NCAPD3: variants seen among roughly 807,000 people sequenced by gnomAD.
NCAPD3 encodes the protein non-SMC condensin II complex subunit D3, also known as condensin-2 complex subunit D3.
A neutral mutation model predicts 182.9 loss-of-function variants in NCAPD3; 105 were observed. The ratio of observed to expected loss-of-function variants is 0.57; its 90% CI spans 0.49 to 0.68. NCAPD3 has a LOEUF of 0.68. NCAPD3 is among the 30% of genes least tolerant of loss of function. The pLI, the probability that NCAPD3 is intolerant of heterozygous loss-of-function variation, is 0.00. For synonymous variants in NCAPD3, 815 were observed against 679.9 expected (o/e 1.20, Z -3.09); for missense variants, 1,944 against 1,837.0 (o/e 1.06, Z -1.07).
chr11:134,170,454 A>G (rs1367311386), intron 24 of NCAPD3, among the ~76,000 whole-genome samples: 1 of 152,234 alleles, frequency 6.6e-6, no homozygotes, highest in Non-Finnish European at 1.5e-5. Context: ...AAAAACCACT[A>G]AACAAACAAG....
intron 4 of NCAPD3, 78 bp from the exon 5 acceptor site, chr11:134,209,555 C>T: frequency 7.2e-7 from 1 of 1,391,306 alleles, no homozygotes; most frequent in Non-Finnish European, 9.8e-7. Flanking sequence ...TTACCCAAAC[C>T]AAGCCCAGAT....
chr11:134,177,638 A>T lies in NCAPD3; in HGVS notation c.2783-181T>A, dbSNP rs565268370. ...ACCCATCTTGAATAGTCGAATAAAA[A>T]TACCTAAGGAGAAATAAACTCCCCA... On this transcript the variant is annotated intron_variant, in intron 22 of 34. Coordinates refer to ENST00000534548, the MANE Select transcript of NCAPD3 (RefSeq NM_015261.3). 54 of 598,662 alleles carry T rather than the reference A, an allele frequency of 9.0e-5. 1 individual carries two copies. The South Asian group carries it at 1.1e-3, about 13-fold the overall frequency. The allele number at this position is 598,662 out of a possible 1,614,324, so 37.1% of individuals were successfully genotyped here.
chr11:134,208,793 C>T (rs934198511), intron 7 of NCAPD3, 71 bp downstream of exon 7: 3 of 996,490 alleles, frequency 3.0e-6, no homozygotes, highest in Non-Finnish European at 3.1e-6. Flanking sequence ...ATGCTTTTAA[C>T]ATATTTCCAT....
intron 27 of NCAPD3, among the ~76,000 whole-genome samples, chr11:134,164,367 G>A (rs1351992763): frequency 6.6e-6 from 1 of 152,250 alleles, no homozygotes; most frequent in Non-Finnish European, 1.5e-5. Flanking sequence ...GCACGTCCTG[G>A]CAGCAGGGGG....
rs1048164369 is a variant in NCAPD3, at chr11:134,181,282, G to C, written c.2452-98C>G. ...CAGAAGAAACTATGATCTTCAAATG[G>C]ATAGGCTGTAGGGGTGCTTCCTAGC... On this transcript the variant is annotated intron_variant, in intron 19 of 34. Transcript: ENST00000534548. The C allele has an allele frequency of 6.3e-6, 5 of 793,872 alleles. No homozygotes were observed. In the African/African-American group the frequency reaches 6.9e-5, roughly 11 times the overall value. 49.2% of individuals were successfully genotyped at this position (793,872 alleles called of 1,614,324 possible).
rs1288443287 is a variant in NCAPD3 at position 134,158,068 on chromosome 11, C to T, written c.4035-1G>A. ...TGCAATGGTGCTCAGGGACATGGGC[C>T]TGTGGAGAACAGCCACAGCCGCTGA... On this transcript the variant is annotated splice_acceptor_variant, in intron 30 of 34. Coordinates refer to ENST00000534548, the MANE Select transcript of NCAPD3 (RefSeq NM_015261.3). LOFTEE classifies it high-confidence loss of function. 4.3e-6 allele frequency: 7 copies of T among 1,612,988 alleles called. No individual in the cohort carries two copies.
intron 8 of NCAPD3, among the ~76,000 whole-genome samples, chr11:134,206,156 A>G (rs1373733655): frequency 1.3e-5 from 2 of 152,370 alleles, no homozygotes; most frequent in Non-Finnish European, 2.9e-5. Context: ...CTTTCCTTCA[A>G]GTCATTTCTA....
intron 23 of NCAPD3, 133 bp downstream of exon 23, chr11:134,177,086 C>A (rs1944186666): frequency 2.8e-6 from 2 of 704,650 alleles, no homozygotes; most frequent in African/African-American, 1.8e-5. Context: ...AAGAGTAAAA[C>A]TCCAGACCAG....
intron 2 of NCAPD3, among the ~76,000 whole-genome samples, chr11:134,220,367 A>T (rs933555267): frequency 1.2e-4 from 18 of 145,092 alleles, no homozygotes; most frequent in African/African-American, 4.5e-4. Flanking sequence ...GTCGTGTCTT[A>T]AAAAAAAAAA....
chr11:134,190,895 C>T (rs1944510583), intron 16 of NCAPD3, among the ~76,000 whole-genome samples: 1 of 152,196 alleles, frequency 6.6e-6, no homozygotes, highest in South Asian at 2.1e-4. Context: ...AAGATTCTAA[C>T]TTGATGTGAA....
In NCAPD3 at chr11:134,200,652, T is replaced by C. The variant is rs989976562; in HGVS notation, c.1615+2164A>G. On this transcript the variant is annotated intron_variant, in intron 13 of 34. Coordinates refer to ENST00000534548, the MANE Select transcript of NCAPD3 (RefSeq NM_015261.3). ...AGGATTGTAAAATGGTGTGGCCACT[T>C]TGAAAAAGTGTGGTGGTTCCTCAAA... Among the ~76,000 whole-genome samples, 28 of 152,176 alleles carry C rather than the reference T, an allele frequency of 1.8e-4. 1 individual carries two copies. The highest frequency in any genetic ancestry group is 4.4e-5 in the Non-Finnish European group (3 of 68,028).
At chr11:134,208,234 AT>A (rs1018281812) in intron 7 of NCAPD3, among the ~76,000 whole-genome samples, 2 of 152,106 alleles carry the variant, frequency 1.3e-5, no homozygotes, top group Non-Finnish European at 2.9e-5. Flanking sequence ...GGTCCAACAC[AT>A]TTTTTTGCAA....
chr11:134,211,417 G>T (rs1165223768), intron 3 of NCAPD3, among the ~76,000 whole-genome samples: 3 of 152,164 alleles, frequency 2.0e-5, no homozygotes, highest in African/African-American at 7.2e-5. Flanking sequence ...GGAGGCTGAG[G>T]TGGGCAGATC....
chr11:134,161,990 A>C (rs1943595679), intron 27 of NCAPD3, 99 bp from the exon 28 acceptor site: 5 of 607,650 alleles, frequency 8.2e-6, no homozygotes, highest in Non-Finnish European at 1.1e-5. Context: ...CTACCACACT[A>C]TGTAAGTTTA....
At chr11:134,163,172 T>C (rs1943637730) in intron 27 of NCAPD3, among the ~76,000 whole-genome samples, 1 of 152,166 alleles carries the variant, frequency 6.6e-6, no homozygotes, top group Non-Finnish European at 1.5e-5. Context: ...ATTCAGAAGA[T>C]GACAGGAAGC....
At chr11:134,185,606 G>C in intron 16 of NCAPD3, 80 bp from the exon 17 acceptor site, 1 of 1,196,268 alleles carries the variant, frequency 8.4e-7, no homozygotes, top group Non-Finnish European at 1.2e-6. Flanking sequence ...CACTGAAAGG[G>C]TATCAACTTC....
chr11:134,155,064 C>A (rs1266378505), intron 32 of NCAPD3, among the ~76,000 whole-genome samples: 3 of 152,286 alleles, frequency 2.0e-5, no homozygotes, highest in Admixed American at 2.0e-4. Context: ...GCTCTGACGT[C>A]CCCCATGCAC....
intron 3 of NCAPD3, among the ~76,000 whole-genome samples, chr11:134,213,619 C>T (rs1305964071): frequency 4.0e-5 from 6 of 148,694 alleles, no homozygotes; most frequent in East Asian, 3.9e-4. Flanking sequence ...TGTGTGGCCT[C>T]GTCTCTCTTA....
At chr11:134,195,149 G>T (rs554230349) in intron 13 of NCAPD3, among the ~76,000 whole-genome samples, 1 of 152,180 alleles carries the variant, frequency 6.6e-6, no homozygotes, top group Non-Finnish European at 1.5e-5. Context: ...CACCCAGGGT[G>T]GTGTACAGTG....
Sources: gnomAD v4.1 joint callset for allele counts (sites outside exome capture counted in the v4.1 genomes callset) on GRCh38, gnomAD v4.1.1 for gene constraint, MANE v1.5 for transcripts, NCBI Gene and HGNC (gene_info 2026-07-23, HGNC 2026-07-21) for gene names.